The following MS4A1 variants were observed in gnomAD, a reference collection of about 807,000 sequenced individuals.
MS4A1 encodes the protein membrane spanning 4-domains A1.
A neutral mutation model predicts 26.5 loss-of-function variants in MS4A1; 16 were observed. The observed-to-expected ratio is 0.60, with a 90% confidence interval of 0.41 to 0.92. The LOEUF is 0.92. Among genes scored for constraint, MS4A1 ranks in the 40% least tolerant of loss-of-function variants. The pLI, the probability that MS4A1 is intolerant of heterozygous loss-of-function variation, is 0.00. For missense variants in MS4A1, 350 were observed against 353.0 expected, an observed-to-expected ratio of 0.99 and a Z score of 0.07; for synonymous variants, 128 against 117.6, an observed-to-expected ratio of 1.09 and a Z score of -0.57.
rs752256650 is a variant in MS4A1, at chr11:60,462,515, G to A, written c.141G>A (p.Arg47=). 6.2e-7 allele frequency: 1 copy of A among 1,614,132 alleles called. No homozygotes were observed. Among genetic ancestry groups the A allele is most frequent in the South Asian group, 1.1e-5 (1 of 91,068 alleles). ...GCCCCACGCAAAGCTTCTTCATGAGGGAATCTAAGACTTTGGGGGTAAGTC... is the reference window on the plus strand; with the variant it reads ...GCCCCACGCAAAGCTTCTTCATGAGAGAATCTAAGACTTTGGGGGTAAGTC... ...LVGPTQSFFM[R]ESKTLGAVQI... The change falls in exon 3 of 8, where the codon AGG becomes AGA. Residue 47 remains arginine (R), a synonymous_variant. Coordinates refer to ENST00000345732, the MANE Select transcript of MS4A1 (RefSeq NM_152866.3).
Position 60,467,020 on chromosome 11 carries a change from T to C in MS4A1, c.635T>C (p.Val212Ala). The C allele has an allele frequency of 1.9e-6, 3 of 1,614,178 alleles. No homozygotes were observed. Among genetic ancestry groups the C allele is most frequent in the East Asian group, 2.2e-5 (1 of 44,872 alleles). Residue 212 changes from valine to alanine, a missense_variant, in exon 7 of 8, where the codon GTT becomes GCT. By Grantham distance (64) the Val-to-Ala change is moderately conservative. Coordinates refer to ENST00000345732, the MANE Select transcript of MS4A1 (RefSeq NM_152866.3). ...FFQELVIAGI[V>A]ENEWKRTCSR... ...CAGGAACTTGTAATAGCTGGCATCG[T>C]TGAGAATGAATGGAAAAGAACGTGC...
chr11:60,458,657 A>G (rs754214024), intron 1 of MS4A1, among the ~76,000 whole-genome samples: 7 of 152,218 alleles, frequency 4.6e-5, no homozygotes, highest in African/African-American at 9.6e-5. Flanking sequence ...TGAACAATTT[A>G]TTTTAATGAT....
chr11:60,463,181 C>A, intron 4 of MS4A1, 60 bp downstream of exon 4: 1 of 1,607,442 alleles, frequency 6.2e-7, no homozygotes, highest in East Asian at 2.2e-5. Context: ...TAAAAGGCTC[C>A]ACAGGGATAT....
intron 3 of MS4A1, 47 bp from the exon 4 acceptor site, chr11:60,462,955 C>T (rs769931220): frequency 1.9e-6 from 3 of 1,609,946 alleles, no homozygotes; most frequent in Non-Finnish European, 8.5e-7. Flanking sequence ...TGCCTGCTAG[C>T]AGTGATGATT....
chr11:60,462,071 C>A, intron 2 of MS4A1, 114 bp from the exon 3 acceptor site: 1 of 454,188 alleles, frequency 2.2e-6, no homozygotes, highest in Non-Finnish European at 4.1e-6. Context: ...GTCATATATG[C>A]AAGGTGTCCT....
intron 1 of MS4A1, 116 bp from the exon 2 acceptor site, chr11:60,460,956 A>G (rs1410530322): frequency 1.3e-5 from 2 of 151,880 alleles, no homozygotes; most frequent in Non-Finnish European, 2.9e-5. Flanking sequence ...TCAGCAAAGT[A>G]CAAAGAACAA....
At chr11:60,458,054 C>T (rs185898291) in intron 1 of MS4A1, 1 of 152,230 alleles carries the variant, frequency 6.6e-6, no homozygotes, top group East Asian at 1.9e-4. Context: ...TACAGAGAGA[C>T]CACAAGAGGA....
chr11:60,461,785 G>A (rs2086250251), intron 2 of MS4A1, among the ~76,000 whole-genome samples: 1 of 151,640 alleles, frequency 6.6e-6, no homozygotes, highest in African/African-American at 2.4e-5. Context: ...CTCCCAAAGT[G>A]CTTGGATTAC....
rs963454645 is a variant in MS4A1, at chr11:60,463,246, A to T, written c.279+125A>T. On this transcript the variant is annotated intron_variant, in intron 4 of 7. Coordinates refer to ENST00000345732, the MANE Select transcript of MS4A1 (RefSeq NM_152866.3). ...TATGAGTAGGAAATATTATTGGGTT[A>T]AAGTAATTAAGAAGACAGGTTGACC... is the stretch of plus-strand genomic sequence containing the variant. 3 of 1,398,512 alleles carry T rather than the reference A, an allele frequency of 2.1e-6. No homozygotes were observed. The African/African-American group carries it at 4.2e-5, about 20-fold the overall frequency. 86.6% of individuals were successfully genotyped at this position (1,398,512 alleles called of 1,614,324 possible). A position where few individuals can be genotyped will look rare whatever the true frequency, so the allele number is the denominator to read the frequency against.
intron 3 of MS4A1, among the ~76,000 whole-genome samples, chr11:60,462,755 TG>T (rs1380692269): frequency 6.6e-6 from 1 of 152,166 alleles, no homozygotes; most frequent in Non-Finnish European, 1.5e-5. Flanking sequence ...TTTTGGGGCT[TG>T]TATATGCAGG....
At chr11:60,458,207 A>G (rs2086219520) in intron 1 of MS4A1, 1 of 152,148 alleles carries the variant, frequency 6.6e-6, no homozygotes, top group Admixed American at 6.5e-5. Flanking sequence ...GAGGGAAGGG[A>G]AGTAAGAGCA....
chr11:60,465,259 C>T (rs919053776), intron 5 of MS4A1, among the ~76,000 whole-genome samples: 8 of 152,208 alleles, frequency 5.3e-5, no homozygotes, highest in Non-Finnish European at 1.0e-4. Flanking sequence ...AACCTTTTAT[C>T]ATCCCTGCAA....
intron 3 of MS4A1, 51 bp downstream of exon 3, chr11:60,462,584 A>G (rs1418271019): frequency 1.2e-6 from 2 of 1,608,466 alleles, no homozygotes; most frequent in Non-Finnish European, 1.7e-6. Context: ...TGGCTGACAG[A>G]AGCTGATGCG....
chr11:60,467,801 C>T (rs2086306713), intron 7 of MS4A1, among the ~76,000 whole-genome samples: 1 of 151,990 alleles, frequency 6.6e-6, no homozygotes, highest in Non-Finnish European at 1.5e-5. Context: ...TAAAAACAGA[C>T]CAATAATAGA....
chr11:60,461,678 C>T lies in MS4A1; in HGVS notation c.-190-507C>T, dbSNP rs943557740. Among the ~76,000 whole-genome samples the T allele has an allele frequency of 7.9e-5, 12 of 151,796 alleles. 1 individual carries two copies. The East Asian group carries it at 1.4e-3, about 17-fold the overall frequency. The stretch of plus-strand genomic sequence containing the variant: ...GGGATTACAGGTGCACACCAACATG[C>T]CTGGCTAATTTTTGTATTTGTAGTA... On this transcript the variant is annotated intron_variant, in intron 2 of 7. Transcript: ENST00000345732.
chr11:60,468,451 A>C lies in MS4A1; in HGVS notation c.877A>C (p.Asn293His). 1.2e-6 allele frequency: 2 copies of C among 1,614,052 alleles called. No homozygotes were observed. The highest frequency in any genetic ancestry group is 1.7e-6 in the Non-Finnish European group (2 of 1,179,938). The change falls in exon 8 of 8, where the codon AAT becomes CAT. Residue 293 changes from asparagine to histidine, a missense_variant. Transcript: ENST00000345732. ...AGATCAGGAATCCTCACCAATAGAA[A>C]ATGACAGCTCTCCTTAAGTGATTTC... Reference protein sequence around the residue: ...PQDQESSPIENDSSP With the variant: ...PQDQESSPIEHDSSP
At position 60,466,676 on chromosome 11, in the gene MS4A1, C is replaced by T. The variant is rs959703424; in HGVS notation, c.574-283C>T. On this transcript the variant is annotated intron_variant, in intron 6 of 7. Coordinates refer to ENST00000345732, the MANE Select transcript of MS4A1 (RefSeq NM_152866.3). ...ATACAATTTAATTTGAGACTCATTA[C>T]TTATTCTTTCCTATACAGAATTGAT... is the stretch of plus-strand genomic sequence containing the variant. 44 of 436,608 alleles carry T rather than the reference C, an allele frequency of 1.0e-4. No homozygotes were observed. The Admixed American group carries it at 1.4e-3, about 14-fold the overall frequency. The allele number at this position is 436,608 out of a possible 1,614,324, so 27.0% of individuals were successfully genotyped here.
rs746283626 is a variant in MS4A1 at position 60,467,072 on chromosome 11, C to T, written c.675+12C>T. On this transcript the variant is annotated intron_variant, in intron 7 of 7. Coordinates refer to ENST00000345732, the MANE Select transcript of MS4A1 (RefSeq NM_152866.3). ...CCAGACCCAAATCTGTAAGTAGTAG[C>T]CCCTCTGGCCAAAACCTCCCTCTAG... is the stretch of plus-strand genomic sequence containing the variant. 6.2e-7 allele frequency: 1 copy of T among 1,606,144 alleles called. No individual in the cohort carries two copies. Among genetic ancestry groups the T allele is most frequent in the South Asian group, 1.1e-5 (1 of 90,924 alleles).
chr11:60,468,237 T>C lies in MS4A1; in HGVS notation c.676-13T>C, dbSNP rs767190939. 2.5e-6 allele frequency: 4 copies of C among 1,592,330 alleles called. No homozygotes were observed. In the South Asian group the frequency reaches 4.5e-5, roughly 18 times the overall value. On this transcript the variant is annotated splice_polypyrimidine_tract_variant and intron_variant, in intron 7 of 7. Coordinates refer to ENST00000345732, the MANE Select transcript of MS4A1 (RefSeq NM_152866.3). ...TAAAAGTAAAGAATGGTTTGTTTAA[T>C]TTTCTGTTTTAGAACATAGTTCTCC...
Sources: gnomAD v4.1 joint callset for allele counts (sites outside exome capture counted in the v4.1 genomes callset) on GRCh38, gnomAD v4.1.1 for gene constraint, MANE v1.5 for transcripts, NCBI Gene and HGNC (gene_info 2026-07-23, HGNC 2026-07-21) for gene names.